Variants in TET1 observed in about 807,000 individuals in gnomAD.
TET1 encodes methylcytosine dioxygenase TET1.
A neutral mutation model predicts 148.7 loss-of-function variants in TET1; 13 were observed. The observed-to-expected ratio is 0.09, with a 90% CI of 0.06 to 0.14. The LOEUF (loss-of-function observed/expected upper bound fraction) is 0.14. Among genes scored for constraint, TET1 ranks in the 10% least tolerant of loss-of-function variants. The pLI, the probability that TET1 is intolerant of heterozygous loss-of-function variation, is 1.00. For missense variants in TET1, 2,182 were observed against 2,553.8 expected, an observed-to-expected ratio of 0.85 and a Z score of 3.14; for synonymous variants, 907 against 937.2, an observed-to-expected ratio of 0.97 and a Z score of 0.59.
At chr10:68,652,425 A>C in intron 5 of TET1, 76 bp from the exon 6 acceptor site, 2 of 986,754 alleles carry the variant, frequency 2.0e-6, no homozygotes, top group Non-Finnish European at 3.0e-6. Context: ...ATATACATTA[A>C]GATGTTCAAA....
At chr10:68,569,367 G>T (rs908881867) in intron 1 of TET1, among the ~76,000 whole-genome samples, 21 of 151,600 alleles carry the variant, frequency 1.4e-4, no homozygotes, top group African/African-American at 5.1e-4. Flanking sequence ...GTAGAGATGG[G>T]GTTTCACCGT....
At chr10:68,682,766 T>C (rs1820578026) in intron 9 of TET1, 70 bp from the exon 10 acceptor site, 1 of 1,499,942 alleles carries the variant, frequency 6.7e-7, no homozygotes, top group South Asian at 1.3e-5. Context: ...GGAAATTATT[T>C]TTACTCTTTA....
At chr10:68,586,068 G>A (rs1468599849) in intron 2 of TET1, among the ~76,000 whole-genome samples, 1 of 151,912 alleles carries the variant, frequency 6.6e-6, no homozygotes. Flanking sequence ...AGCTGCAGTG[G>A]CATGGTCATA....
chr10:68,679,245 G>A (rs1338898153), intron 8 of TET1, among the ~76,000 whole-genome samples: 5 of 152,152 alleles, frequency 3.3e-5, no homozygotes, highest in African/African-American at 1.2e-4. Flanking sequence ...ACTATGAGTT[G>A]CTTCTAGTTG....
chr10:68,583,609 G>A (rs1270525991), intron 2 of TET1, among the ~76,000 whole-genome samples: 1 of 152,190 alleles, frequency 6.6e-6, no homozygotes, highest in African/African-American at 2.4e-5. Flanking sequence ...CCTGCAGAGA[G>A]AGCAGTAGAA....
intron 7 of TET1, among the ~76,000 whole-genome samples, chr10:68,669,579 C>T (rs1035572380): frequency 6.9e-6 from 1 of 145,156 alleles, no homozygotes; most frequent in Non-Finnish European, 1.5e-5. Context: ...TGGTCTTGAT[C>T]TCCTGACCTC....
At chr10:68,632,256 A>AGCTT (rs1226088496) in intron 3 of TET1, 1 of 837,560 alleles carries the variant, frequency 1.2e-6, no homozygotes, top group Non-Finnish European at 1.8e-6. Flanking sequence ...CGGGAGGCGG[A>AGCTT]GCTTGCAGTG....
At chr10:68,613,296 G>A (rs2054243068) in intron 3 of TET1, among the ~76,000 whole-genome samples, 1 of 152,142 alleles carries the variant, frequency 6.6e-6, no homozygotes, top group South Asian at 2.1e-4. Flanking sequence ...GATGATGGTT[G>A]CATAGACTAC....
At chr10:68,661,988 G>C (rs1400759558) in intron 6 of TET1, among the ~76,000 whole-genome samples, 2 of 149,598 alleles carry the variant, frequency 1.3e-5, no homozygotes, top group Non-Finnish European at 2.9e-5. Flanking sequence ...CGATTCTCAT[G>C]CGTCAGCCTC....
At chr10:68,585,646 A>T (rs921753497) in intron 2 of TET1, among the ~76,000 whole-genome samples, 69 of 152,002 alleles carry the variant, frequency 4.5e-4, no homozygotes, top group Admixed American at 4.5e-3. Flanking sequence ...CTTGTATTGG[A>T]TTTCAGAGAA....
At chr10:68,673,511 T>C in intron 8 of TET1, 1 of 342,772 alleles carries the variant, frequency 2.9e-6, no homozygotes, top group Non-Finnish European at 5.8e-6. Context: ...TTAGTCGAAC[T>C]TGGTGTTAAG....
intron 8 of TET1, among the ~76,000 whole-genome samples, chr10:68,679,562 A>G (rs1261238589): frequency 1.3e-5 from 2 of 152,230 alleles, no homozygotes; most frequent in African/African-American, 4.8e-5. Context: ...TTGAAGATAT[A>G]AATAGAATTG....
At position 68,653,268 on chromosome 10, in the gene TET1, A is replaced by G. The variant is rs1014541673; in HGVS notation, c.4461+674A>G. On this transcript the variant is annotated intron_variant, in intron 6 of 11. Coordinates refer to ENST00000373644, the MANE Select transcript of TET1 (RefSeq NM_030625.3). ...GCTACTCAGTTATCCAACACCACTCATTTAATTGTACATCTCTTCATTATT... is the reference window on the plus strand; with the variant it reads ...GCTACTCAGTTATCCAACACCACTCGTTTAATTGTACATCTCTTCATTATT... Among the ~76,000 whole-genome samples, 3 of 152,182 alleles carry G rather than the reference A, an allele frequency of 2.0e-5. No homozygotes were observed. In the East Asian group the frequency reaches 5.8e-4, roughly 29 times the overall value.
intron 2 of TET1, among the ~76,000 whole-genome samples, chr10:68,583,091 A>G (rs1046838296): frequency 2.0e-5 from 3 of 152,138 alleles, no homozygotes; most frequent in Non-Finnish European, 4.4e-5. Context: ...ACTGGCCAAC[A>G]TCTTCATCTA....
Position 68,645,037 on chromosome 10 carries a change from A to G in TET1, c.2308A>G (p.Thr770Ala). Reference sequence around the variant, plus strand: ...ACATGTACACTGTTTACCAGCTGAAACAAATGTTTCATTTAAAAAATTCAA... The same window carrying G: ...ACATGTACACTGTTTACCAGCTGAAGCAAATGTTTCATTTAAAAAATTCAA... ...IKHVHCLPAE[T>A]NVSFKKFNIE... The change falls in exon 4 of 12, where the codon ACA becomes GCA. Residue 770 changes from threonine (T) to alanine (A), a missense_variant. Transcript: ENST00000373644. 6.2e-7 allele frequency: 1 copy of G among 1,613,338 alleles called. No individual in the cohort carries two copies. The highest frequency in any genetic ancestry group is 1.1e-5 in the South Asian group (1 of 90,768).
intron 7 of TET1, among the ~76,000 whole-genome samples, chr10:68,672,021 G>A (rs1472741367): frequency 1.3e-5 from 2 of 152,252 alleles, no homozygotes; most frequent in South Asian, 4.2e-4. Flanking sequence ...GATTACAGTA[G>A]TGAGCCACCA....
At chr10:68,621,587 A>T (rs1173724842) in intron 3 of TET1, among the ~76,000 whole-genome samples, 1 of 152,152 alleles carries the variant, frequency 6.6e-6, no homozygotes, top group Non-Finnish European at 1.5e-5. Flanking sequence ...TCTCAAAAAA[A>T]ATAAATAAAT....
chr10:68,671,577 G>A (rs2055272685), intron 7 of TET1, among the ~76,000 whole-genome samples: 2 of 152,056 alleles, frequency 1.3e-5, no homozygotes, highest in South Asian at 4.1e-4. Flanking sequence ...TAATGGGATT[G>A]GAAGAGCATA....
chr10:68,624,682 CTCTCTCTCTCTCTCTT>C lies in TET1; in HGVS notation c.1969-20012_1969-19997del, dbSNP rs1402182672. ...TTTCTCTCTCTCTCTCTCTCTCTCT[CTCTCTCTCTCTCTCTT>C]TCTTTCTTTTCCTTCCTTCTTTCTT... On this transcript the variant is annotated intron_variant, in intron 3 of 11. Transcript: ENST00000373644. Among the ~76,000 whole-genome samples the C allele has an allele frequency of 3.6e-4, 42 of 116,354 alleles. 2 individuals are homozygous for C. The highest frequency in any genetic ancestry group is 1.3e-3 in the African/African-American group (39 of 29,530). 76.3% of individuals were successfully genotyped at this position (116,354 alleles called of 152,430 possible).
Sources: allele counts gnomAD v4.1 joint callset (sites outside exome capture counted in the v4.1 genomes callset), GRCh38; gene constraint gnomAD v4.1.1; transcripts MANE v1.5; gene names NCBI Gene and HGNC (gene_info 2026-07-23, HGNC 2026-07-21).